TRABD2B: variants seen among roughly 807,000 people sequenced by gnomAD.
TRABD2B encodes TraB domain containing 2B, also known as metalloprotease TIKI2.
TRABD2B carries 14 observed loss-of-function variants against 40.1 expected under a neutral mutation model. That is an observed-to-expected ratio of 0.35 (90% CI 0.23 to 0.55). The LOEUF (loss-of-function observed/expected upper bound fraction) is 0.55. Among genes scored for constraint, TRABD2B ranks in the 20% least tolerant of loss-of-function variants. The pLI is 0.90. For missense variants in TRABD2B, 541 were observed against 648.6 expected (o/e 0.83, Z 1.80); for synonymous variants, 263 against 277.0 (o/e 0.95, Z 0.50).
At chr1:47,893,848 G>A (rs1415399766) in intron 2 of TRABD2B, among the ~76,000 whole-genome samples, 1 of 152,052 alleles carries the variant, frequency 6.6e-6, no homozygotes, top group African/African-American at 2.4e-5. Context: ...TGGACTCTGC[G>A]GGGGCCCAAC....
chr1:47,879,936 G>A (rs908019730), intron 2 of TRABD2B, among the ~76,000 whole-genome samples: 1 of 152,246 alleles, frequency 6.6e-6, no homozygotes, highest in Non-Finnish European at 1.5e-5. Flanking sequence ...TTAGTCATCT[G>A]TGTTGATTCT....
intron 4 of TRABD2B, among the ~76,000 whole-genome samples, chr1:47,786,839 A>T (rs1402383398): frequency 6.6e-6 from 1 of 152,098 alleles, no homozygotes; most frequent in African/African-American, 2.4e-5. Context: ...ATCTGGGACT[A>T]TAGGCATGCA....
intron 2 of TRABD2B, among the ~76,000 whole-genome samples, chr1:47,880,055 A>C (rs1404044048): frequency 6.6e-6 from 1 of 152,248 alleles, no homozygotes; most frequent in Non-Finnish European, 1.5e-5. Flanking sequence ...CACGCCTGTA[A>C]TCCCGGCATT....
intron 2 of TRABD2B, among the ~76,000 whole-genome samples, chr1:47,893,107 T>A (rs1340229560): frequency 6.6e-6 from 1 of 152,148 alleles, no homozygotes; most frequent in Non-Finnish European, 1.5e-5. Flanking sequence ...TCTGGCCAGA[T>A]GGCCCCTCAG....
At chr1:47,783,922 T>C (rs1468293581) in intron 4 of TRABD2B, among the ~76,000 whole-genome samples, 1 of 152,010 alleles carries the variant, frequency 6.6e-6, no homozygotes, top group East Asian at 1.9e-4. Context: ...CCTTGGGGAG[T>C]TTCCAGTCTC....
At chr1:47,849,239 T>A (rs546821186) in intron 2 of TRABD2B, among the ~76,000 whole-genome samples, 10 of 152,288 alleles carry the variant, frequency 6.6e-5, no homozygotes, top group African/African-American at 2.4e-4. Flanking sequence ...TGGGCCCTAA[T>A]CCAATCTGAC....
At chr1:47,969,941 T>A (rs1488817643) in intron 2 of TRABD2B, among the ~76,000 whole-genome samples, 1 of 152,036 alleles carries the variant, frequency 6.6e-6, no homozygotes, top group African/African-American at 2.4e-5. Flanking sequence ...CGCTCCTCAC[T>A]CTCACATTGC....
rs1236008749 is a variant in TRABD2B, at chr1:47,794,724, C to T, written c.850G>A (p.Glu284Lys). Residue 284 changes from glutamate (E) to lysine (K), a missense_variant, in exon 4 of 7, where the codon GAG becomes AAG. By Grantham distance (56) the Glu-to-Lys change is moderately conservative. Coordinates refer to ENST00000606738, the MANE Select transcript of TRABD2B (RefSeq NM_001194986.2). ...TCAATCTCCTGGGCCGTCACCTGCT[C>T]GTGTGGCGGGAGGGTGGTGTTGATA... ...NFINTTLPPH[E>K]QVTAQEIDSY... The T allele has an allele frequency of 4.6e-6, 7 of 1,532,948 alleles. No individual in the cohort carries two copies. Among genetic ancestry groups the T allele is most frequent in the African/African-American group, 1.4e-5 (1 of 72,728 alleles). The allele number at this position is 1,532,948 out of a possible 1,614,324, so 95.0% of individuals were successfully genotyped here. A position where few individuals can be genotyped will look rare whatever the true frequency, so the allele number is the denominator to read the frequency against.
intron 2 of TRABD2B, among the ~76,000 whole-genome samples, chr1:47,965,535 T>C (rs985836567): frequency 7.2e-5 from 11 of 152,198 alleles, no homozygotes; most frequent in African/African-American, 2.6e-4. Flanking sequence ...CCTGAGAATG[T>C]CTGCCCTGCT....
intron 2 of TRABD2B, chr1:47,818,583 T>C (rs2124394724): frequency 6.6e-6 from 1 of 152,324 alleles, no homozygotes; most frequent in East Asian, 1.9e-4. Flanking sequence ...CTTCCAAGGT[T>C]TGATGAAGAG....
At chr1:47,814,668 G>A (rs553614039) in intron 2 of TRABD2B, among the ~76,000 whole-genome samples, 2 of 152,128 alleles carry the variant, frequency 1.3e-5, no homozygotes, top group Non-Finnish European at 2.9e-5. Context: ...AGCCCCACTT[G>A]AGGGAGCGGT....
intron 2 of TRABD2B, among the ~76,000 whole-genome samples, chr1:47,950,251 C>A (rs1412500592): frequency 1.3e-5 from 2 of 151,960 alleles, no homozygotes; most frequent in African/African-American, 4.8e-5. Context: ...GGCCACTGCA[C>A]TCCAGCTTGG....
intron 4 of TRABD2B, among the ~76,000 whole-genome samples, chr1:47,789,224 G>A (rs146963917): frequency 3.6e-4 from 55 of 152,236 alleles, no homozygotes; most frequent in African/African-American, 7.5e-4. Flanking sequence ...TCAGCACACA[G>A]GCCTGGGTGA....
At chr1:47,983,100 A>G (rs1381301256) in intron 2 of TRABD2B, among the ~76,000 whole-genome samples, 1 of 152,234 alleles carries the variant, frequency 6.6e-6, no homozygotes, top group East Asian at 1.9e-4. Flanking sequence ...CCATCCACAG[A>G]TTGGATAAAG....
At chr1:47,936,965 GATC>G (rs1468578931) in intron 2 of TRABD2B, among the ~76,000 whole-genome samples, 2 of 93,742 alleles carry the variant, frequency 2.1e-5, no homozygotes, top group Admixed American at 1.0e-4. Context: ...CCACCATCAT[GATC>G]ATCACCATCA....
chr1:47,832,651 T>C (rs1175551203), intron 2 of TRABD2B, among the ~76,000 whole-genome samples: 1 of 152,194 alleles, frequency 6.6e-6, no homozygotes, highest in Non-Finnish European at 1.5e-5. Context: ...GTCCCAATAA[T>C]TTTATAATAG....
chr1:47,872,556 G>A lies in TRABD2B; in HGVS notation c.667-70937C>T, dbSNP rs59065589. 6.5e-3 allele frequency among the ~76,000 whole-genome samples: 992 copies of A among 152,278 alleles called. 6 individuals carry two copies. Among genetic ancestry groups the A allele is most frequent in the African/African-American group, 0.023 (945 of 41,560 alleles). On this transcript the variant is annotated intron_variant, in intron 2 of 6. Coordinates refer to ENST00000606738, the MANE Select transcript of TRABD2B (RefSeq NM_001194986.2). ...GCTTCAACTCCCCATGTGCATGTGGGGAGGCAGCTGAGCAGAAGTGGGTGG... is the reference window on the plus strand; with the variant it reads ...GCTTCAACTCCCCATGTGCATGTGGAGAGGCAGCTGAGCAGAAGTGGGTGG...
intron 2 of TRABD2B, among the ~76,000 whole-genome samples, chr1:47,910,049 G>A (rs892462182): frequency 6.6e-6 from 1 of 151,268 alleles, no homozygotes; most frequent in Non-Finnish European, 1.5e-5. Context: ...TTGTAGAGAT[G>A]GGGTTTCGCC....
At chr1:47,823,393 C>T (rs1246799123) in intron 2 of TRABD2B, among the ~76,000 whole-genome samples, 1 of 152,224 alleles carries the variant, frequency 6.6e-6, no homozygotes, top group Non-Finnish European at 1.5e-5. Flanking sequence ...AGAGGAGAGG[C>T]TTCAGAGCTC....
Sources: allele counts gnomAD v4.1 joint callset (sites outside exome capture counted in the v4.1 genomes callset), GRCh38; gene constraint gnomAD v4.1.1; transcripts MANE v1.5; gene names NCBI Gene and HGNC (gene_info 2026-07-23, HGNC 2026-07-21).